Variants in CD300LF observed in about 807,000 individuals in gnomAD.
CD300LF encodes the protein CMRF35-like molecule 1.
Under a neutral mutation model 32.2 loss-of-function variants are expected in CD300LF, and 27 were observed. That is an observed-to-expected ratio of 0.84 (90% CI 0.62 to 1.15). The LOEUF is 1.15. CD300LF is among the 50% of genes most tolerant of loss of function. The pLI is 0.00. For missense variants in CD300LF, 348 were observed against 356.8 expected (o/e 0.98, Z 0.20); for synonymous variants, 139 against 143.2 (o/e 0.97, Z 0.21).
chr17:74,696,922 TGG>T (rs2032539190), intron 4 of CD300LF, among the ~76,000 whole-genome samples: 1 of 151,508 alleles, frequency 6.6e-6, no homozygotes, highest in African/African-American at 2.4e-5. Context: ...TGGTTTGGTT[TGG>T]TTTGGTTTGG....
chr17:74,708,712 C>T lies in CD300LF; in HGVS notation c.44-3896G>A, dbSNP rs112334255. Among the ~76,000 whole-genome samples, 341 of 152,178 alleles carry T rather than the reference C, an allele frequency of 2.2e-3. 3 individuals carry two copies. The highest frequency in any genetic ancestry group is 6.9e-3 in the African/African-American group (288 of 41,512). ...CGGGCGGATCAGGAGGTGAGGAGAT[C>T]GAGACCATCCTGGCTAACACGGTGA... On this transcript the variant is annotated intron_variant, in intron 1 of 6. Transcript: ENST00000326165.
In CD300LF at chr17:74,695,066, T is replaced by TG; in HGVS notation, c.*29dup. 6.2e-7 allele frequency: 1 copy of TG among 1,602,698 alleles called. No individual in the cohort carries two copies. On this transcript the variant is annotated 3_prime_UTR_variant, in exon 7 of 7. Transcript: ENST00000326165. ...ATGAGGCAGGAGTGTGCTCACAGCC[T>TG]GGGGTCCAAGAAGGAGCCTGGAGTG... is the stretch of plus-strand genomic sequence containing the variant.
chr17:74,709,720 T>C (rs1489628146), intron 1 of CD300LF, among the ~76,000 whole-genome samples: 1 of 151,960 alleles, frequency 6.6e-6, no homozygotes, highest in East Asian at 1.9e-4. Context: ...ACCACAGGCA[T>C]GCACCACCAT....
chr17:74,705,201 T>TA, intron 1 of CD300LF: 1 of 702,012 alleles, frequency 1.4e-6, no homozygotes, highest in South Asian at 1.5e-5. Flanking sequence ...CACAGGGTCT[T>TA]ACCTTGACTC....
chr17:74,698,170 C>T (rs111636849), intron 4 of CD300LF, among the ~76,000 whole-genome samples, 199 bp downstream of exon 4: 18 of 152,302 alleles, frequency 1.2e-4, no homozygotes, highest in African/African-American at 3.8e-4. Context: ...GGGCAGGCGG[C>T]GAATGCCAAA....
chr17:74,700,933 T>A (rs1294640172), intron 3 of CD300LF, among the ~76,000 whole-genome samples: 6 of 112,294 alleles, frequency 5.3e-5, no homozygotes, highest in African/African-American at 1.5e-4. Flanking sequence ...CAGGCCCTAA[T>A]CCATTATGAC....
In CD300LF at chr17:74,712,872, C is replaced by T. The variant is rs747404024; in HGVS notation, c.-6G>A. On this transcript the variant is annotated 5_prime_UTR_variant, in exon 1 of 7. Coordinates refer to ENST00000326165, the MANE Select transcript of CD300LF (RefSeq NM_139018.5). ...TAGAGTGTCAGCAGGGGCATCTTCT[C>T]TTCAGACAGGTCCCCGTTCCCCTCA... is the stretch of plus-strand genomic sequence containing the variant. 6.2e-7 allele frequency: 1 copy of T among 1,614,002 alleles called. No homozygotes were observed. Among genetic ancestry groups the T allele is most frequent in the Non-Finnish European group, 8.5e-7 (1 of 1,179,938 alleles).
At chr17:74,708,209 C>A (rs2033671645) in intron 1 of CD300LF, among the ~76,000 whole-genome samples, 1 of 150,758 alleles carries the variant, frequency 6.6e-6, no homozygotes, top group Non-Finnish European at 1.5e-5. Flanking sequence ...ATGCTAAAAT[C>A]AGCACAAAAT....
chr17:74,698,206 C>G (rs960558163), intron 4 of CD300LF, among the ~76,000 whole-genome samples, 163 bp downstream of exon 4: 1 of 152,110 alleles, frequency 6.6e-6, no homozygotes, highest in African/African-American at 2.4e-5. Flanking sequence ...CCTGCAAGCT[C>G]CAGGGCGCCC....
chr17:74,706,282 A>ATAT (rs1555586594), intron 1 of CD300LF, among the ~76,000 whole-genome samples: 98 of 145,158 alleles, frequency 6.8e-4, no homozygotes, highest in East Asian at 5.6e-3. Context: ...GGAAAAAAAA[A>ATAT]ATATATATAT....
At chr17:74,711,443 TTACATGCTGAAACTCGGGGCCAAGTG>T (rs1442035352) in intron 1 of CD300LF, among the ~76,000 whole-genome samples, 1 of 152,222 alleles carries the variant, frequency 6.6e-6, no homozygotes, top group Admixed American at 6.5e-5. Flanking sequence ...CCTTCTCCAC[TTACATGCTGAAACTCGGGGCCAAGTG>T]TCCATGAGCC....
In CD300LF at chr17:74,698,331, G is replaced by A. The variant is rs775639502; in HGVS notation, c.559+38C>T. The A allele has an allele frequency of 3.6e-5, 52 of 1,431,768 alleles. No homozygotes were observed. The South Asian group carries it at 5.4e-4, about 15-fold the overall frequency. 88.7% of individuals were successfully genotyped at this position (1,431,768 alleles called of 1,614,324 possible). A position where few individuals can be genotyped will look rare whatever the true frequency, so the allele number is the denominator to read the frequency against. On this transcript the variant is annotated intron_variant, in intron 4 of 6. Coordinates refer to ENST00000326165, the MANE Select transcript of CD300LF (RefSeq NM_139018.5). ...CCAGATGCCACATCCCCAGCCACCC[G>A]GCCCAGTCTCAGCCCAGCCTCACCC...
In CD300LF at chr17:74,704,748, C is replaced by A. The variant is rs199777745; in HGVS notation, c.112G>T (p.Val38Leu). Residue 38 changes from valine to leucine, a missense_variant, in exon 2 of 7, where the codon GTG becomes TTG. By Grantham distance (32) the Val-to-Leu change is conservative (BLOSUM62 1). Coordinates refer to ENST00000326165, the MANE Select transcript of CD300LF (RefSeq NM_139018.5). ...CAGCCTGATCTGTAAACACACTGCA[C>A]GGTCAAGGAGCCCCGCTCCAAGCCA... The part of the protein sequence containing the change: ...VNGLERGSLT[V>L]QCVYRSGWET... 5.6e-6 allele frequency: 9 copies of A among 1,614,038 alleles called. No homozygotes were observed. Among genetic ancestry groups the A allele is most frequent in the African/African-American group, 5.3e-5 (4 of 74,910 alleles).
chr17:74,698,724 A>G, intron 3 of CD300LF: 1 of 960,402 alleles, frequency 1.0e-6, no homozygotes, highest in South Asian at 2.0e-5. Context: ...GGGTGGGAGG[A>G]AGCAAAGAAT....
In CD300LF at chr17:74,695,850, G is replaced by A. The variant is rs751742479; in HGVS notation, c.592C>T (p.Pro198Ser). The A allele has an allele frequency of 6.2e-5, 100 of 1,613,622 alleles. No individual in the cohort carries two copies. Among genetic ancestry groups the A allele is most frequent in the Non-Finnish European group, 8.1e-5 (96 of 1,179,812 alleles). ...AGMSPEQVLQPLEGDLCYADL... is the reference protein window; with the variant it reads ...AGMSPEQVLQSLEGDLCYADL... ...GCATAGCAGAGGTCGCCCTCCAGGG[G>A]CTGCAGTACCTGGGACAGGGAACAC... The change falls in exon 6 of 7, where the codon CCC becomes TCC. Residue 198 changes from proline (P) to serine (S), a missense_variant. By Grantham distance (74) the Pro-to-Ser change is moderately conservative (BLOSUM62 -1). Transcript: ENST00000326165.
intron 1 of CD300LF, among the ~76,000 whole-genome samples, 196 bp from the exon 2 acceptor site, chr17:74,705,012 C>G (rs1288983546): frequency 1.3e-5 from 2 of 152,196 alleles, no homozygotes. Flanking sequence ...CACTGAAGAG[C>G]ACAACAACGG....
intron 6 of CD300LF, 23 bp from the exon 7 acceptor site, chr17:74,695,274 G>A (rs373862190): frequency 2.0e-5 from 33 of 1,612,992 alleles, no homozygotes; most frequent in Non-Finnish European, 2.8e-5. Context: ...CGGGCTCCAG[G>A]TCAGAGAGGA....
At chr17:74,700,262 T>G (rs1363861867) in intron 3 of CD300LF, among the ~76,000 whole-genome samples, 2 of 152,092 alleles carry the variant, frequency 1.3e-5, no homozygotes, top group Non-Finnish European at 2.9e-5. Context: ...GGGCTGACAA[T>G]GGCCTCCACT....
chr17:74,703,249 T>C (rs1281371125), intron 2 of CD300LF, 151 bp from the exon 3 acceptor site: 5 of 815,854 alleles, frequency 6.1e-6, no homozygotes, highest in Non-Finnish European at 9.9e-6. Context: ...TCTGGACTGC[T>C]ACTATGGGAA....
Sources: allele counts gnomAD v4.1 joint callset (sites outside exome capture counted in the v4.1 genomes callset), GRCh38; gene constraint gnomAD v4.1.1; transcripts MANE v1.5; gene names NCBI Gene and HGNC (gene_info 2026-07-23, HGNC 2026-07-21).